ORC2: variants seen among roughly 807,000 people sequenced by gnomAD.
ORC2 encodes origin recognition complex protein 2 homolog.
A neutral mutation model predicts 77.7 loss-of-function variants in ORC2; 37 were observed. The ratio of observed to expected loss-of-function variants is 0.48; its 90% CI spans 0.37 to 0.63. The LOEUF (loss-of-function observed/expected upper bound fraction) is 0.63. Among genes scored for constraint, ORC2 ranks in the 20% least tolerant of loss-of-function variants. ORC2 has a pLI of 0.00. For synonymous variants in ORC2, 201 were observed against 229.5 expected, an observed-to-expected ratio of 0.88 and a Z score of 1.12; for missense variants, 557 against 661.9, an observed-to-expected ratio of 0.84 and a Z score of 1.74.
chr2:200,954,135 C>T (rs573588010), intron 4 of ORC2, among the ~76,000 whole-genome samples: 2 of 151,362 alleles, frequency 1.3e-5, no homozygotes, highest in Admixed American at 6.6e-5. Context: ...CGGGTTCAAG[C>T]GATTTTCCTG....
At position 200,928,417 on chromosome 2, in the gene ORC2, G is replaced by A. The variant is rs1438636767; in HGVS notation, c.918-1517C>T. 3.0e-4 allele frequency among the ~76,000 whole-genome samples: 46 copies of A among 152,040 alleles called. 1 individual carries two copies. The highest frequency in any genetic ancestry group is 3.0e-3 in the Admixed American group (46 of 15,258). ...AGGTAAAGGCACAATTTTATTATCT[G>A]TATACCAAGCTTCTAGTTCTAATTT... On this transcript the variant is annotated intron_variant, in intron 11 of 17. Coordinates refer to ENST00000234296, the MANE Select transcript of ORC2 (RefSeq NM_006190.5).
chr2:200,931,315 AG>A (rs1222981382), intron 11 of ORC2, 23 bp downstream of exon 11: 1 of 928,470 alleles, frequency 1.1e-6, no homozygotes, highest in South Asian at 1.8e-5. Flanking sequence ...TTATTTTACA[AG>A]GGTTTGTAAT....
At chr2:200,946,820 C>T (rs1489307172) in intron 5 of ORC2, among the ~76,000 whole-genome samples, 1 of 152,158 alleles carries the variant, frequency 6.6e-6, no homozygotes, top group East Asian at 1.9e-4. Context: ...TCTACTTTAT[C>T]TTTCTAATTA....
In ORC2 at chr2:200,909,005, T is replaced by C. The variant is rs2040511843; in HGVS notation, c.*2296A>G. The C allele has an allele frequency of 6.6e-6, 1 of 152,208 alleles. No individual in the cohort carries two copies. The allele number at this position is 152,208 out of a possible 1,614,324, so 9.4% of individuals were successfully genotyped here. ...AGTGATTCTATCCAAATTGGCTTTT[T>C]ATTTATTAATAATAAAGTCTACTGA... On this transcript the variant is annotated 3_prime_UTR_variant, in exon 18 of 18. Coordinates refer to ENST00000234296, the MANE Select transcript of ORC2 (RefSeq NM_006190.5).
chr2:200,924,273 G>A (rs2040806113), intron 13 of ORC2, among the ~76,000 whole-genome samples: 1 of 152,080 alleles, frequency 6.6e-6, no homozygotes, highest in African/African-American at 2.4e-5. Flanking sequence ...CTTGGGCCCA[G>A]GAGATTTAGG....
intron 15 of ORC2, among the ~76,000 whole-genome samples, chr2:200,918,947 T>A (rs1184123799): frequency 1.3e-5 from 2 of 149,978 alleles, no homozygotes; most frequent in Admixed American, 1.3e-4. Context: ...CTCGGCTCCC[T>A]TCAGCCTCCT....
In ORC2 at chr2:200,957,523, C is replaced by A. The variant is rs763207664; in HGVS notation, c.116G>T (p.Arg39Leu). 6.2e-7 allele frequency: 1 copy of A among 1,605,332 alleles called. No homozygotes were observed. Among genetic ancestry groups the A allele is most frequent in the Non-Finnish European group, 8.5e-7 (1 of 1,176,020 alleles). Residue 39 changes from arginine (R) to leucine (L), a missense_variant, in exon 4 of 18, where the codon CGA (arginine) becomes CTA (leucine). Transcript: ENST00000234296. ...REGGAKLKKE[R>L]AQLLVNPKKI... is the part of the protein sequence containing the mutation. Reference sequence around the variant, plus strand: ...TTTGGGGTTGACCAAAAGCTGCGCTCGCTCCTTCTTCAATTTAGCTCCTAT... The same window carrying A: ...TTTGGGGTTGACCAAAAGCTGCGCTAGCTCCTTCTTCAATTTAGCTCCTAT...
chr2:200,943,920 C>G (rs2041201591), intron 5 of ORC2, among the ~76,000 whole-genome samples: 1 of 151,972 alleles, frequency 6.6e-6, no homozygotes, highest in African/African-American at 2.4e-5. Context: ...TGTCCTCAGC[C>G]TCCTCAACAT....
intron 17 of ORC2, among the ~76,000 whole-genome samples, chr2:200,911,619 AT>A (rs1553491901): frequency 6.6e-6 from 1 of 151,500 alleles, no homozygotes; most frequent in Non-Finnish European, 1.5e-5. Context: ...GTGGGTATTT[AT>A]TTTTTTCATT....
intron 6 of ORC2, among the ~76,000 whole-genome samples, chr2:200,941,750 G>T (rs1274970318): frequency 1.3e-5 from 2 of 152,100 alleles, no homozygotes; most frequent in African/African-American, 4.8e-5. Flanking sequence ...ACTTTGGGAG[G>T]CCAAGGCAGG....
chr2:200,911,440 C>A, intron 17 of ORC2, 53 bp from the exon 18 acceptor site: 1 of 974,276 alleles, frequency 1.0e-6, no homozygotes, highest in Non-Finnish European at 1.6e-6. Flanking sequence ...GGTATATGAA[C>A]TCTTCTATTG....
rs1302417267 is a variant in ORC2 at position 200,911,112 on chromosome 2, C to T, written c.*189G>A. The T allele has an allele frequency of 2.0e-6, 1 of 502,876 alleles. No homozygotes were observed. The highest frequency in any genetic ancestry group is 1.9e-5 in the African/African-American group (1 of 52,224). 31.2% of individuals were successfully genotyped at this position (502,876 alleles called of 1,614,324 possible). On this transcript the variant is annotated 3_prime_UTR_variant, in exon 18 of 18. Transcript: ENST00000234296. ...ATTTTCTCCAACTTGAGGACCGCTG[C>T]ATAGTACTAGACGGTACCAGCCAGG...
intron 4 of ORC2, among the ~76,000 whole-genome samples, chr2:200,953,985 T>C (rs1049328223): frequency 4.6e-5 from 7 of 152,038 alleles, no homozygotes; most frequent in African/African-American, 1.7e-4. Context: ...CCCAGCTAAT[T>C]TTTGTATGTT....
At chr2:200,943,042 C>T (rs533375377) in intron 5 of ORC2, 148 of 245,276 alleles carry the variant, frequency 6.0e-4, no homozygotes, top group African/African-American at 3.0e-3. Flanking sequence ...CTCTAATTAC[C>T]ATACTCTCCT....
chr2:200,914,916 C>T (rs997562760), intron 15 of ORC2, among the ~76,000 whole-genome samples: 1 of 147,898 alleles, frequency 6.8e-6, no homozygotes, highest in African/African-American at 2.5e-5. Context: ...TGCAATGAGG[C>T]GGGTGGAAAT....
intron 12 of ORC2, 41 bp downstream of exon 12, chr2:200,926,727 G>A: frequency 6.2e-7 from 1 of 1,600,422 alleles, no homozygotes; most frequent in South Asian, 1.1e-5. Context: ...TGAATTGGCA[G>A]AGGATATAAT....
Position 200,914,941 on chromosome 2 carries a change from C to CA in ORC2, c.1467-950dup, listed in dbSNP as rs1296845493. On this transcript the variant is annotated intron_variant, in intron 15 of 17. Transcript: ENST00000234296. ...CGGGTGGAAATAACAGAAATTCACA[C>CA]ATTTATATACTGCATATACCACTTT... 6.8e-5 allele frequency among the ~76,000 whole-genome samples: 10 copies of CA among 147,048 alleles called. 1 individual carries two copies. The highest frequency in any genetic ancestry group is 2.5e-4 in the African/African-American group (10 of 40,416).
intron 10 of ORC2, among the ~76,000 whole-genome samples, chr2:200,931,658 A>C (rs1045226053): frequency 6.6e-6 from 1 of 152,214 alleles, no homozygotes; most frequent in African/African-American, 2.4e-5. Flanking sequence ...CATTCTTTTT[A>C]GTAATAACAG....
chr2:200,941,226 T>C, intron 7 of ORC2, 22 bp downstream of exon 7: 1 of 1,602,658 alleles, frequency 6.2e-7, no homozygotes, highest in Non-Finnish European at 8.5e-7. Context: ...CTAAGGCTTT[T>C]GCTTTTTAGT....
Sources: gnomAD v4.1 joint callset for allele counts (sites outside exome capture counted in the v4.1 genomes callset) on GRCh38, gnomAD v4.1.1 for gene constraint, MANE v1.5 for transcripts, NCBI Gene and HGNC (gene_info 2026-07-23, HGNC 2026-07-21) for gene names.